Variants in THSD7B observed in about 807,000 individuals in gnomAD.
THSD7B encodes the protein thrombospondin type-1 domain-containing protein 7B.
In THSD7B, 138 loss-of-function variants were observed where a neutral mutation model predicts 213.6. The ratio of observed to expected loss-of-function variants is 0.65; its 90% CI spans 0.56 to 0.74. The LOEUF (loss-of-function observed/expected upper bound fraction) is 0.74, where lower values mean the gene tolerates loss of function less well. THSD7B is among the 30% of genes least tolerant of loss of function. The probability of loss-of-function intolerance (pLI) is 0.00; values close to 1 mark genes in which losing one functional copy is unlikely to be tolerated. For missense variants in THSD7B, 1,931 were observed against 1,991.5 expected (o/e 0.97, Z 0.58); for synonymous variants, 742 against 687.0 (o/e 1.08, Z -1.25).
At chr2:137,153,952 T>C (rs903658286) in intron 5 of THSD7B, among the ~76,000 whole-genome samples, 1 of 152,178 alleles carries the variant, frequency 6.6e-6, no homozygotes, top group African/African-American at 2.4e-5. Flanking sequence ...TGGGGAGTTC[T>C]GAGTCTTTGA....
chr2:137,606,210 G>A (rs1180286022), intron 17 of THSD7B, among the ~76,000 whole-genome samples: 2 of 152,126 alleles, frequency 1.3e-5, no homozygotes, highest in Non-Finnish European at 1.5e-5. Flanking sequence ...AGTGGCGTAG[G>A]AGAGTGATGA....
chr2:137,545,335 A>G (rs1680687801), intron 15 of THSD7B, among the ~76,000 whole-genome samples: 1 of 151,896 alleles, frequency 6.6e-6, no homozygotes. Flanking sequence ...AGACCCCAAG[A>G]GTCCCGTAAG....
intron 27 of THSD7B, among the ~76,000 whole-genome samples, chr2:137,671,697 T>C (rs983424254): frequency 7.9e-5 from 12 of 152,122 alleles, no homozygotes; most frequent in African/African-American, 2.9e-4. Flanking sequence ...GTTTCTCTCT[T>C]CACATGTGGG....
At chr2:137,072,664 G>A (rs1414853494) in intron 3 of THSD7B, among the ~76,000 whole-genome samples, 1 of 152,130 alleles carries the variant, frequency 6.6e-6, no homozygotes, top group Non-Finnish European at 1.5e-5. Context: ...GTGAGAGGGG[G>A]CGTCCCTGTC....
chr2:136,814,073 T>C (rs1194139081), intron 1 of THSD7B, among the ~76,000 whole-genome samples: 1 of 152,178 alleles, frequency 6.6e-6, no homozygotes, highest in Non-Finnish European at 1.5e-5. Context: ...GAACCACCAG[T>C]TGGGAACTTT....
chr2:137,092,375 T>C (rs1687964679), intron 3 of THSD7B, among the ~76,000 whole-genome samples: 1 of 151,876 alleles, frequency 6.6e-6, no homozygotes, highest in Non-Finnish European at 1.5e-5. Flanking sequence ...GATTCCACTA[T>C]TGCACCCAGC....
At chr2:137,132,909 G>C (rs1441817086) in intron 5 of THSD7B, among the ~76,000 whole-genome samples, 1 of 152,092 alleles carries the variant, frequency 6.6e-6, no homozygotes, top group African/African-American at 2.4e-5. Context: ...TTCTATAAAA[G>C]CCCTTCAAAA....
intron 15 of THSD7B, among the ~76,000 whole-genome samples, chr2:137,461,388 A>T (rs551667312): frequency 6.6e-6 from 1 of 152,212 alleles, no homozygotes; most frequent in Admixed American, 6.5e-5. Context: ...CACCCTGAAA[A>T]ATAAAAGCCA....
Position 137,056,975 on chromosome 2 carries a change from G to A in THSD7B, c.695G>A (p.Cys232Tyr). 1 of 1,613,926 alleles carries A rather than the reference G, an allele frequency of 6.2e-7. No homozygotes were observed. The highest frequency in any genetic ancestry group is 8.5e-7 in the Non-Finnish European group (1 of 1,179,874). The part of the protein sequence containing the change: ...ESRACDAPIS[C>Y]PLGEEEYTFS... Reference sequence around the variant, plus strand: ...AGAGCCTGTGATGCTCCCATTTCCTGTCCTCTTGGGGAAGAGGAATATACA... The same window carrying A: ...AGAGCCTGTGATGCTCCCATTTCCTATCCTCTTGGGGAAGAGGAATATACA... The change falls in exon 3 of 28, where the codon TGT becomes TAT. Residue 232 changes from cysteine to tyrosine, a missense_variant. Cys to Tyr is a radical substitution (Grantham distance 194). Transcript: ENST00000409968.
chr2:137,017,651 C>T (rs1010523113), intron 2 of THSD7B, among the ~76,000 whole-genome samples: 3 of 152,136 alleles, frequency 2.0e-5, no homozygotes, highest in African/African-American at 7.2e-5. Context: ...TCACGCTTTC[C>T]AGTGTCAGGA....
intron 12 of THSD7B, among the ~76,000 whole-genome samples, chr2:137,364,880 G>T (rs894992791): frequency 6.6e-6 from 1 of 152,096 alleles, no homozygotes; most frequent in South Asian, 2.1e-4. Context: ...CACAAAATTG[G>T]AAAAAACTAC....
chr2:137,009,750 C>T (rs1686190104), intron 2 of THSD7B, among the ~76,000 whole-genome samples: 1 of 152,120 alleles, frequency 6.6e-6, no homozygotes, highest in South Asian at 2.1e-4. Flanking sequence ...CTGGGTCCCT[C>T]CCACAACATG....
intron 5 of THSD7B, among the ~76,000 whole-genome samples, chr2:137,123,989 C>T (rs115188782): frequency 3.2e-4 from 48 of 152,226 alleles, no homozygotes; most frequent in African/African-American, 1.2e-3. Context: ...GAATGTAACC[C>T]CCTGCATATA....
chr2:137,005,467 A>G (rs1034747994), intron 2 of THSD7B, among the ~76,000 whole-genome samples: 2 of 152,180 alleles, frequency 1.3e-5, no homozygotes, highest in African/African-American at 4.8e-5. Context: ...CTTTCACGTC[A>G]GTGGAGTTGT....
At chr2:137,445,191 CA>C (rs1198226385) in intron 14 of THSD7B, among the ~76,000 whole-genome samples, 2 of 152,040 alleles carry the variant, frequency 1.3e-5, no homozygotes, top group Non-Finnish European at 2.9e-5. Flanking sequence ...CTATGAAAAA[CA>C]GTATGGAGAT....
At chr2:137,290,422 ACTC>A (rs1463489906) in intron 12 of THSD7B, among the ~76,000 whole-genome samples, 2 of 151,670 alleles carry the variant, frequency 1.3e-5, no homozygotes, top group Non-Finnish European at 2.9e-5. Flanking sequence ...CCGTAACTCT[ACTC>A]CTGTTTTGCA....
Position 137,453,279 on chromosome 2 carries a change from A to C in THSD7B, c.3138+2256A>C, listed in dbSNP as rs192219718. Among the ~76,000 whole-genome samples the C allele has an allele frequency of 6.2e-4, 94 of 151,778 alleles. 1 individual carries two copies. Among genetic ancestry groups the C allele is most frequent in the African/African-American group, 2.2e-3 (91 of 41,372 alleles). On this transcript the variant is annotated intron_variant, in intron 15 of 27. Coordinates refer to ENST00000409968, the MANE Select transcript of THSD7B (RefSeq NM_001316349.2). ...ATTAAATCAGGCTAGTTAACATATCAATTACCTCAAATACTTTTTTTCTCT... is the reference window on the plus strand; with the variant it reads ...ATTAAATCAGGCTAGTTAACATATCCATTACCTCAAATACTTTTTTTCTCT...
intron 15 of THSD7B, among the ~76,000 whole-genome samples, chr2:137,510,901 A>G (rs995460849): frequency 6.6e-6 from 1 of 152,058 alleles, no homozygotes; most frequent in East Asian, 1.9e-4. Flanking sequence ...ATTAGTTAAT[A>G]TTTTTCATGA....
At chr2:137,266,117 T>G (rs953551277) in intron 10 of THSD7B, among the ~76,000 whole-genome samples, 3 of 152,226 alleles carry the variant, frequency 2.0e-5, no homozygotes, top group African/African-American at 7.2e-5. Flanking sequence ...TATTGAAACT[T>G]CTTCTATTTT....
Sources: gnomAD v4.1 joint callset for allele counts (sites outside exome capture counted in the v4.1 genomes callset) on GRCh38, gnomAD v4.1.1 for gene constraint, MANE v1.5 for transcripts, NCBI Gene and HGNC (gene_info 2026-07-23, HGNC 2026-07-21) for gene names.